DMXL1: variants seen among roughly 807,000 people sequenced by gnomAD.
DMXL1 encodes the protein dmX-like protein 1.
A neutral mutation model predicts 319.2 loss-of-function variants in DMXL1; 99 were observed. That is an observed-to-expected ratio of 0.31 (90% CI 0.26 to 0.37). The LOEUF is 0.37. Ranked by LOEUF, DMXL1 falls within the 10% of genes least tolerant of loss-of-function variation. The pLI, the probability that DMXL1 is intolerant of heterozygous loss-of-function variation, is 1.00. For missense variants in DMXL1, 3,745 were observed against 3,595.6 expected, an observed-to-expected ratio of 1.04 and a Z score of -1.06; for synonymous variants, 1,385 against 1,235.2, an observed-to-expected ratio of 1.12 and a Z score of -2.54.
At chr5:119,131,074 A>G (rs1175735491) in intron 10 of DMXL1, among the ~76,000 whole-genome samples, 1 of 151,758 alleles carries the variant, frequency 6.6e-6, no homozygotes, top group Non-Finnish European at 1.5e-5. Flanking sequence ...TCTTGATGCA[A>G]ATTAAGCAGA....
intron 38 of DMXL1, among the ~76,000 whole-genome samples, chr5:119,225,364 A>T (rs1271478085): frequency 6.6e-6 from 1 of 152,012 alleles, no homozygotes; most frequent in Non-Finnish European, 1.5e-5. Context: ...TTCAACCAAG[A>T]ACTTAATTAA....
intron 38 of DMXL1, among the ~76,000 whole-genome samples, chr5:119,228,359 G>A (rs1011019885): frequency 6.6e-6 from 1 of 152,132 alleles, no homozygotes; most frequent in Admixed American, 6.6e-5. Flanking sequence ...ACATGGCCAT[G>A]ACTAAAGATC....
rs761849272 is a variant in DMXL1, at chr5:119,116,345, A to G, written c.743+9A>G. 3 of 1,610,626 alleles carry G rather than the reference A, an allele frequency of 1.9e-6. No individual in the cohort carries two copies. The highest frequency in any genetic ancestry group is 2.5e-6 in the Non-Finnish European group (3 of 1,178,194). On this transcript the variant is annotated intron_variant, in intron 7 of 43. Transcript: ENST00000539542. ...AGCAAATATATGCCTAGGTCAGTGG[A>G]TTGGTCATTTCCCTCCACATATTAA...
chr5:119,227,690 T>G (rs371033413), intron 38 of DMXL1, among the ~76,000 whole-genome samples: 2 of 152,286 alleles, frequency 1.3e-5, no homozygotes, highest in East Asian at 3.9e-4. Flanking sequence ...TGATATCTGA[T>G]TCTGTGCATA....
At chr5:119,100,957 T>G (rs1419304514) in intron 2 of DMXL1, among the ~76,000 whole-genome samples, 1 of 151,834 alleles carries the variant, frequency 6.6e-6, no homozygotes, top group East Asian at 1.9e-4. Flanking sequence ...TTTTTTTGTA[T>G]TTTTTAGTAA....
intron 1 of DMXL1, among the ~76,000 whole-genome samples, chr5:119,077,729 T>A (rs1281419493): frequency 7.4e-6 from 1 of 135,548 alleles, no homozygotes; most frequent in East Asian, 2.1e-4. Flanking sequence ...TATATGTATG[T>A]GTACATATAT....
intron 34 of DMXL1, among the ~76,000 whole-genome samples, chr5:119,211,212 G>T (rs1271869398): frequency 6.6e-6 from 1 of 151,894 alleles, no homozygotes; most frequent in Non-Finnish European, 1.5e-5. Flanking sequence ...AGGGATATTG[G>T]TTTGTAGTTT....
At chr5:119,220,851 G>A (rs919925626) in intron 36 of DMXL1, 89 bp from the exon 37 acceptor site, 57 of 1,453,272 alleles carry the variant, frequency 3.9e-5, no homozygotes, top group Non-Finnish European at 5.1e-5. Flanking sequence ...AATTTTAAAG[G>A]GAACTATAAA....
chr5:119,130,029 A>C (rs966279559), intron 10 of DMXL1, among the ~76,000 whole-genome samples: 1 of 152,144 alleles, frequency 6.6e-6, no homozygotes, highest in Non-Finnish European at 1.5e-5. Flanking sequence ...AATGGAAAGT[A>C]AGAAACTGTG....
intron 34 of DMXL1, among the ~76,000 whole-genome samples, chr5:119,212,739 C>A (rs1015981900): frequency 6.6e-6 from 1 of 152,028 alleles, no homozygotes; most frequent in African/African-American, 2.4e-5. Context: ...CTTTTAAGAC[C>A]ATATTCATTG....
At chr5:119,118,657 G>C (rs866215374) in intron 7 of DMXL1, among the ~76,000 whole-genome samples, 158 bp from the exon 8 acceptor site, 1 of 152,128 alleles carries the variant, frequency 6.6e-6, no homozygotes, top group African/African-American at 2.4e-5. Flanking sequence ...AAAAGAAATA[G>C]GTTGGCAAGC....
intron 38 of DMXL1, among the ~76,000 whole-genome samples, chr5:119,225,135 A>G (rs1450824875): frequency 2.6e-5 from 4 of 151,976 alleles, no homozygotes; most frequent in African/African-American, 9.7e-5. Flanking sequence ...TATTTTAATA[A>G]TAGAACCACT....
At chr5:119,085,278 C>T (rs1753104898) in intron 1 of DMXL1, among the ~76,000 whole-genome samples, 1 of 151,524 alleles carries the variant, frequency 6.6e-6, no homozygotes, top group South Asian at 2.1e-4. Context: ...CTGCAGTGAA[C>T]CAAGATTGGT....
intron 1 of DMXL1, among the ~76,000 whole-genome samples, chr5:119,077,482 T>G (rs1372795457): frequency 7.3e-6 from 1 of 137,374 alleles, no homozygotes; most frequent in African/African-American, 2.7e-5. Context: ...ATCTTAGGTT[T>G]TTTTTTTTTT....
chr5:119,084,997 T>G (rs1479419328), intron 1 of DMXL1, among the ~76,000 whole-genome samples: 2 of 152,068 alleles, frequency 1.3e-5, no homozygotes, highest in Non-Finnish European at 2.9e-5. Flanking sequence ...CATCAGAGTT[T>G]TATAGTTTTC....
intron 17 of DMXL1, 92 bp from the exon 18 acceptor site, chr5:119,148,647 T>C (rs1769105236): frequency 1.1e-5 from 13 of 1,212,338 alleles, no homozygotes; most frequent in Non-Finnish European, 1.5e-5. Context: ...ATATTTATAG[T>C]AGTTAATACA....
At chr5:119,168,954 T>C (rs1774000561) in intron 23 of DMXL1, among the ~76,000 whole-genome samples, 1 of 152,006 alleles carries the variant, frequency 6.6e-6, no homozygotes, top group Non-Finnish European at 1.5e-5. Context: ...CAGGCTGGAG[T>C]GCAGTGGGGC....
intron 1 of DMXL1, among the ~76,000 whole-genome samples, chr5:119,093,677 A>G: frequency 6.6e-6 from 1 of 152,226 alleles, no homozygotes; most frequent in East Asian, 1.9e-4. Context: ...GGGTGTGTCA[A>G]GATGGGCCAA....
intron 1 of DMXL1, among the ~76,000 whole-genome samples, chr5:119,072,897 T>C (rs537526544): frequency 6.6e-6 from 1 of 152,272 alleles, no homozygotes; most frequent in South Asian, 2.1e-4. Flanking sequence ...CAACTATAGT[T>C]TCCTTACACC....
Sources: allele counts gnomAD v4.1 joint callset (sites outside exome capture counted in the v4.1 genomes callset), GRCh38; gene constraint gnomAD v4.1.1; transcripts MANE v1.5; gene names NCBI Gene and HGNC (gene_info 2026-07-23, HGNC 2026-07-21).